The following TOM1 variants were observed in gnomAD, a reference collection of about 807,000 sequenced individuals.
TOM1 encodes the protein target of Myb protein 1.
TOM1 carries 38 observed loss-of-function variants against 61.3 expected under a neutral mutation model. The observed-to-expected ratio is 0.62, with a 90% CI of 0.48 to 0.81. TOM1 has a LOEUF of 0.81. Ranked by LOEUF, TOM1 falls within the 40% of genes least tolerant of loss-of-function variation. The pLI is 0.00. For missense variants in TOM1, 591 were observed against 659.6 expected (o/e 0.90, Z 1.14); for synonymous variants, 270 against 268.8 (o/e 1.00, Z -0.04).
chr22:35,312,505 T>C (rs950688604), intron 1 of TOM1, among the ~76,000 whole-genome samples: 1 of 152,242 alleles, frequency 6.6e-6, no homozygotes, highest in Non-Finnish European at 1.5e-5. Context: ...GTTATGAATA[T>C]GGACTTGAGA....
intron 3 of TOM1, among the ~76,000 whole-genome samples, chr22:35,322,778 A>T (rs1927914708): frequency 6.6e-6 from 1 of 152,060 alleles, no homozygotes; most frequent in Non-Finnish European, 1.5e-5. Context: ...GCGTGCACTG[A>T]CGCCAGTCAG....
In TOM1 at chr22:35,322,745, C is replaced by T. The variant is rs1927912134; in HGVS notation, c.217-283C>T. 6 of 410,540 alleles carry T rather than the reference C, an allele frequency of 1.5e-5. No individual in the cohort carries two copies. The South Asian group carries it at 2.2e-4, about 15-fold the overall frequency. The allele number at this position is 410,540 out of a possible 1,614,324, so 25.4% of individuals were successfully genotyped here. On this transcript the variant is annotated intron_variant, in intron 3 of 14. Transcript: ENST00000449058. ...CCCCTTCTCTCTAGACCATGTTTAG[C>T]TCAGAGACAGCATTGGGATTCTGCG...
At chr22:35,341,705 A>G (rs1305460302) in intron 12 of TOM1, among the ~76,000 whole-genome samples, 1 of 152,170 alleles carries the variant, frequency 6.6e-6, no homozygotes, top group Non-Finnish European at 1.5e-5. Flanking sequence ...GACTAAAACT[A>G]GAGCCCAGGT....
chr22:35,346,148 A>G (rs1411650339), intron 13 of TOM1, among the ~76,000 whole-genome samples: 5 of 152,212 alleles, frequency 3.3e-5, no homozygotes, highest in Non-Finnish European at 5.9e-5. Flanking sequence ...GAGGGAACCC[A>G]TCACCACCCT....
chr22:35,322,887 A>G, intron 3 of TOM1, 141 bp from the exon 4 acceptor site: 5 of 1,009,940 alleles, frequency 5.0e-6, no homozygotes, highest in Non-Finnish European at 7.1e-6. Context: ...AGTCCTCCAC[A>G]TTCAAGGGTC....
chr22:35,300,125 T>TTCC (rs1925602682), intron 1 of TOM1, 145 bp downstream of exon 1: 4 of 883,066 alleles, frequency 4.5e-6, no homozygotes, highest in Non-Finnish European at 6.9e-6. Flanking sequence ...CCGCCCAGCT[T>TTCC]TCCTCCCACT....
Position 35,336,552 on chromosome 22 carries a change from C to T in TOM1, c.1148+2104C>T, listed in dbSNP as rs5999798. On this transcript the variant is annotated intron_variant, in intron 11 of 14. Coordinates refer to ENST00000449058, the MANE Select transcript of TOM1 (RefSeq NM_005488.3). ...GCCAAGGAGTAGCAGGGCTTCTGGG[C>T]GAGCCACAGCAGAGACGCCTCGGCT... Among the ~76,000 whole-genome samples, 17 of 152,256 alleles carry T rather than the reference C, an allele frequency of 1.1e-4. 1 individual carries two copies. Among genetic ancestry groups the T allele is most frequent in the African/African-American group, 3.1e-4 (13 of 41,578 alleles).
intron 1 of TOM1, among the ~76,000 whole-genome samples, chr22:35,301,087 C>G (rs948522706): frequency 6.6e-6 from 1 of 150,602 alleles, no homozygotes; most frequent in African/African-American, 2.4e-5. Context: ...ATTAGCCGGG[C>G]GTGGTGGTGC....
chr22:35,321,147 T>G (rs1476289848), intron 2 of TOM1, among the ~76,000 whole-genome samples: 1 of 151,902 alleles, frequency 6.6e-6, no homozygotes, highest in African/African-American at 2.4e-5. Flanking sequence ...CCCAGGAGTT[T>G]GAGACCAGCC....
intron 1 of TOM1, among the ~76,000 whole-genome samples, chr22:35,300,991 C>A (rs751968341): frequency 6.7e-6 from 1 of 150,330 alleles, no homozygotes; most frequent in Non-Finnish European, 1.5e-5. Flanking sequence ...GCGGGCAGAT[C>A]GCTTGAGCCC....
At chr22:35,307,312 C>T (rs532005667) in intron 1 of TOM1, among the ~76,000 whole-genome samples, 1 of 152,134 alleles carries the variant, frequency 6.6e-6, no homozygotes. Context: ...GAAATCATGG[C>T]TTTGATGTTC....
intron 11 of TOM1, among the ~76,000 whole-genome samples, chr22:35,336,425 C>G (rs748686231): frequency 5.3e-5 from 8 of 152,252 alleles, no homozygotes; most frequent in Non-Finnish European, 1.0e-4. Flanking sequence ...TCTGCCCTGG[C>G]TGGCAGGGAA....
chr22:35,310,014 A>T (rs1926681982), intron 1 of TOM1, among the ~76,000 whole-genome samples: 1 of 152,248 alleles, frequency 6.6e-6, no homozygotes, highest in Middle Eastern at 3.2e-3. Context: ...AGTCAGCTCC[A>T]CATGGTAGGG....
upstream of TOM1, chr22:35,299,677 C>G (rs1569012878): frequency 4.0e-6 from 2 of 499,056 alleles, no homozygotes; most frequent in South Asian, 2.1e-5. Flanking sequence ...CCGCGCTTCC[C>G]GGGCCCCGAC....
At chr22:35,312,892 T>G (rs550317761) in intron 1 of TOM1, among the ~76,000 whole-genome samples, 2 of 152,250 alleles carry the variant, frequency 1.3e-5, no homozygotes, top group South Asian at 2.1e-4. Context: ...AAGTTGTGCT[T>G]GGAGTTATGT....
rs147076822 is a variant in TOM1, at chr22:35,301,713, A to G, written c.52+1733A>G. ...TGGCTCTTCCGAGGTTTTGTAATCA[A>G]TGCTCTCCAAGGGGGAGGTGGCAGT... On this transcript the variant is annotated intron_variant, in intron 1 of 14. Transcript: ENST00000449058. Among the ~76,000 whole-genome samples the G allele has an allele frequency of 2.9e-3, 436 of 152,248 alleles. 3 individuals carry two copies. Among genetic ancestry groups the G allele is most frequent in the African/African-American group, 9.9e-3 (413 of 41,544 alleles).
chr22:35,330,529 C>G lies in TOM1; in HGVS notation c.899+49C>G, dbSNP rs373334938. On this transcript the variant is annotated intron_variant, in intron 8 of 14. Coordinates refer to ENST00000449058, the MANE Select transcript of TOM1 (RefSeq NM_005488.3). The stretch of plus-strand genomic sequence containing the variant: ...CTCTGGCCTACTGCCCCAACCCTCT[C>G]CCTTCCCTTCCTCCCTGTTCTCCTG... The G allele has an allele frequency of 1.9e-5, 29 of 1,531,690 alleles. 1 individual carries two copies. The South Asian group carries it at 3.2e-4, about 17-fold the overall frequency. The allele number at this position is 1,531,690 out of a possible 1,614,324, so 94.9% of individuals were successfully genotyped here.
rs192238715 is a variant in TOM1 at position 35,308,355 on chromosome 22, C to T, written c.52+8375C>T. On this transcript the variant is annotated intron_variant, in intron 1 of 14. Transcript: ENST00000449058. ...CTGGAGTGCAGTGGGGCAGTCTTGGCTCACTGTAACCTCCACCTCCCAGGT... is the reference window on the plus strand; with the variant it reads ...CTGGAGTGCAGTGGGGCAGTCTTGGTTCACTGTAACCTCCACCTCCCAGGT... 1.9e-3 allele frequency among the ~76,000 whole-genome samples: 285 copies of T among 149,016 alleles called. 2 individuals are homozygous for T. Among genetic ancestry groups the T allele is most frequent in the African/African-American group, 6.9e-3 (278 of 40,472 alleles).
chr22:35,316,429 C>T (rs1159919225), intron 1 of TOM1, among the ~76,000 whole-genome samples: 1 of 152,224 alleles, frequency 6.6e-6, no homozygotes, highest in Non-Finnish European at 1.5e-5. Flanking sequence ...CCATGCGGCA[C>T]CTCCCTTTCC....
Sources: gnomAD v4.1 joint callset for allele counts (sites outside exome capture counted in the v4.1 genomes callset) on GRCh38, gnomAD v4.1.1 for gene constraint, MANE v1.5 for transcripts, NCBI Gene and HGNC (gene_info 2026-07-23, HGNC 2026-07-21) for gene names.